MYO19: variants seen among roughly 807,000 people sequenced by gnomAD.
MYO19 encodes myosin XIX.
Under a neutral mutation model 129.2 loss-of-function variants are expected in MYO19, and 132 were observed. The ratio of observed to expected loss-of-function variants is 1.02; its 90% CI spans 0.89 to 1.18. MYO19 has a LOEUF of 1.18. Ranked by LOEUF, MYO19 falls within the 50% of genes most tolerant of loss-of-function variation. The pLI is 0.00. For missense variants in MYO19, 1,210 were observed against 1,216.7 expected, an observed-to-expected ratio of 0.99 and a Z score of 0.08; for synonymous variants, 531 against 477.2, an observed-to-expected ratio of 1.11 and a Z score of -1.47.
rs2073891673 is a variant in MYO19 at position 36,532,545 on chromosome 17, T to C, written c.-7A>G. 6.4e-7 allele frequency: 1 copy of C among 1,554,552 alleles called. No homozygotes were observed. The highest frequency in any genetic ancestry group is 8.7e-7 in the Non-Finnish European group (1 of 1,148,628). On this transcript the variant is annotated 5_prime_UTR_variant, in exon 3 of 26. Coordinates refer to ENST00000614623, the MANE Select transcript of MYO19 (RefSeq NM_001163735.2). ...GTTTTACCTGCTGGAGCATCCTCCT[T>C]CAAAGTGGTCAGCCAGGGTTCTGGG...
At chr17:36,504,927 A>C in intron 19 of MYO19, 2 of 290,392 alleles carry the variant, frequency 6.9e-6, no homozygotes, top group Non-Finnish European at 1.4e-5. Flanking sequence ...AAAAAAAAAA[A>C]AAAGAAAAAA....
At chr17:36,525,368 T>C (rs2142328473) in intron 5 of MYO19, 27 bp from the exon 6 acceptor site, 1 of 1,482,680 alleles carries the variant, frequency 6.7e-7, no homozygotes, top group East Asian at 2.3e-5. Context: ...TGAAAGGTCA[T>C]GTGAGGGAAT....
chr17:36,507,612 C>G (rs2141980701), intron 15 of MYO19, 100 bp from the exon 16 acceptor site: 1 of 1,378,142 alleles, frequency 7.3e-7, no homozygotes, highest in East Asian at 2.3e-5. Context: ...TATTCCAGAA[C>G]AGCATCAAAG....
Position 36,507,851 on chromosome 17 carries a change from A to G in MYO19, c.1305T>C (p.Asn435=). The G allele has an allele frequency of 6.2e-7, 1 of 1,613,648 alleles. No homozygotes were observed. The highest frequency in any genetic ancestry group is 8.5e-7 in the Non-Finnish European group (1 of 1,179,676). ...CCACAAAATGCTGCTGCAGCTTCTC[A>G]TTGGCGTAGTTGATGCACAACTGTT... ...SLEQLCINYA[N]EKLQQHFVAH... is the part of the protein sequence containing the mutation. Residue 435 remains asparagine, a synonymous_variant, in exon 15 of 26, where the codon AAT becomes AAC. Transcript: ENST00000614623.
rs917153566 is a variant in MYO19, at chr17:36,516,090, G to C, written c.415-100C>G. 31 of 1,360,266 alleles carry C rather than the reference G, an allele frequency of 2.3e-5. No individual in the cohort carries two copies. In the South Asian group the frequency reaches 3.2e-4, roughly 14 times the overall value. The allele number at this position is 1,360,266 out of a possible 1,614,324, so 84.3% of individuals were successfully genotyped here. ...CCCACCAGAGCTCTCTTCTCCACCA[G>C]TGTGTTGCTGACAAAATGGGTGAAG... is the stretch of plus-strand genomic sequence containing the variant. On this transcript the variant is annotated intron_variant, in intron 6 of 25. Coordinates refer to ENST00000614623, the MANE Select transcript of MYO19 (RefSeq NM_001163735.2).
chr17:36,499,013 C>T (rs531974758), intron 24 of MYO19, 62 bp downstream of exon 24: 31 of 1,336,144 alleles, frequency 2.3e-5, no homozygotes, highest in Admixed American at 1.6e-4. Flanking sequence ...CATTCCCACT[C>T]GGGTCCATCT....
At chr17:36,496,483 G>T in intron 25 of MYO19, 77 bp from the exon 26 acceptor site, 3 of 1,414,818 alleles carry the variant, frequency 2.1e-6, no homozygotes, top group Non-Finnish European at 2.9e-6. Context: ...CAGAGCAGAC[G>T]CTAAAAATGC....
At chr17:36,508,018 G>A (rs1206418315) in intron 14 of MYO19, 94 bp from the exon 15 acceptor site, 1 of 1,356,480 alleles carries the variant, frequency 7.4e-7, no homozygotes, top group African/African-American at 1.5e-5. Context: ...CCCTGCCAAT[G>A]CCTTATACTT....
chr17:36,511,816 G>A (rs2072350833), intron 11 of MYO19, among the ~76,000 whole-genome samples: 1 of 152,152 alleles, frequency 6.6e-6, no homozygotes, highest in African/African-American at 2.4e-5. Flanking sequence ...TGCTCTCTAG[G>A]AATAGACTGG....
chr17:36,542,291 TC>T (rs1431015056), intron 1 of MYO19: 1 of 152,216 alleles, frequency 6.6e-6, no homozygotes, highest in Non-Finnish European at 1.5e-5. Context: ...GGGTGAATAC[TC>T]CCTTCTTTGT....
intron 13 of MYO19, 91 bp downstream of exon 13, chr17:36,510,655 T>C (rs1007508508): frequency 7.1e-7 from 1 of 1,403,528 alleles, no homozygotes; most frequent in African/African-American, 1.4e-5. Flanking sequence ...CCTGGGCCTG[T>C]GCCTATTGCC....
At position 36,501,191 on chromosome 17, in the gene MYO19, G is replaced by C; in HGVS notation, c.2125C>G (p.Gln709Glu). Residue 709 changes from glutamine (Q) to glutamate (E), a missense_variant, in exon 22 of 26, where the codon CAG (glutamine) becomes GAG (glutamate). Coordinates refer to ENST00000614623, the MANE Select transcript of MYO19 (RefSeq NM_001163735.2). ...SEEATLEPLI[Q>E]DILHTLPVLT... ...ACCGGCAGAGTGTGGAGAATGTCCTGGATGAGAGGTTCAAGCGTGGCTTCC... is the reference window on the plus strand; with the variant it reads ...ACCGGCAGAGTGTGGAGAATGTCCTCGATGAGAGGTTCAAGCGTGGCTTCC... 1 of 1,613,996 alleles carries C rather than the reference G, an allele frequency of 6.2e-7. No individual in the cohort carries two copies. Among genetic ancestry groups the C allele is most frequent in the Non-Finnish European group, 8.5e-7 (1 of 1,179,862 alleles).
At chr17:36,524,948 G>C (rs573740369) in intron 6 of MYO19, among the ~76,000 whole-genome samples, 1 of 152,322 alleles carries the variant, frequency 6.6e-6, no homozygotes, top group South Asian at 2.1e-4. Context: ...CAAGAGCTGG[G>C]AGACACTTTC....
intron 18 of MYO19, 95 bp from the exon 19 acceptor site, chr17:36,505,499 G>C: frequency 2.4e-6 from 2 of 844,252 alleles, no homozygotes; most frequent in Non-Finnish European, 3.8e-6. Flanking sequence ...TGCCTCCAGC[G>C]GGCCCTTCCA....
chr17:36,501,008 C>A (rs2071484913), intron 22 of MYO19, 49 bp from the exon 23 acceptor site: 3 of 1,604,222 alleles, frequency 1.9e-6, no homozygotes, highest in Non-Finnish European at 2.6e-6. Context: ...CCCCTGCCCC[C>A]TCCTGCTGAG....
At chr17:36,509,413 G>A in intron 13 of MYO19, 1 of 522,448 alleles carries the variant, frequency 1.9e-6, no homozygotes, top group Non-Finnish European at 3.5e-6. Flanking sequence ...AGGCTGGGGA[G>A]GGAATCAGTC....
chr17:36,505,303 T>C lies in MYO19; in HGVS notation c.1899A>G (p.Gln633=). 3 of 1,614,152 alleles carry C rather than the reference T, an allele frequency of 1.9e-6. No individual in the cohort carries two copies. Among genetic ancestry groups the C allele is most frequent in the Non-Finnish European group, 2.5e-6 (3 of 1,179,974 alleles). The change falls in exon 19 of 26, where the codon CAA becomes CAG. Residue 633 remains glutamine (Q), a synonymous_variant. Transcript: ENST00000614623. ...NSQGQAQTFL[Q]EEVLSQLEAC... ...TTGGCCCGGTGTTAATTACCTCCTC[T>C]TGGAGAAAGGTCTGCGCCTGGCCCT...
upstream of MYO19, chr17:36,537,929 T>C (rs934996469): frequency 1.5e-5 from 25 of 1,614,012 alleles, no homozygotes; most frequent in Non-Finnish European, 2.1e-5. Context: ...AGCTAGCCCT[T>C]GACTTTACCT....
At chr17:36,523,674 G>A (rs1029743743) in intron 6 of MYO19, among the ~76,000 whole-genome samples, 4 of 152,038 alleles carry the variant, frequency 2.6e-5, no homozygotes, top group African/African-American at 9.7e-5. Flanking sequence ...TGTAAATACT[G>A]CTTATTAACT....
Sources: gnomAD v4.1 joint callset for allele counts (sites outside exome capture counted in the v4.1 genomes callset) on GRCh38, gnomAD v4.1.1 for gene constraint, MANE v1.5 for transcripts, NCBI Gene and HGNC (gene_info 2026-07-23, HGNC 2026-07-21) for gene names.